DCC: variants seen among roughly 807,000 people sequenced by gnomAD.
DCC encodes the protein netrin receptor DCC.
In DCC, 58 loss-of-function variants were observed where a neutral mutation model predicts 172.5. The observed-to-expected ratio is 0.34, with a 90% confidence interval of 0.27 to 0.42. The LOEUF is 0.42. Ranked by LOEUF, DCC falls within the 10% of genes least tolerant of loss-of-function variation. The pLI is 1.00. For missense variants in DCC, 1,740 were observed against 1,791.0 expected, an observed-to-expected ratio of 0.97 and a Z score of 0.51; for synonymous variants, 709 against 644.5, an observed-to-expected ratio of 1.10 and a Z score of -1.52.
intron 1 of DCC, among the ~76,000 whole-genome samples, chr18:52,702,271 A>T (rs2036138682): frequency 6.6e-6 from 1 of 152,160 alleles, no homozygotes; most frequent in African/African-American, 2.4e-5. Flanking sequence ...CCTACTTGTT[A>T]TAGTTGTCCA....
At chr18:52,508,786 TA>T (rs2031326384) in intron 1 of DCC, among the ~76,000 whole-genome samples, 5 of 152,292 alleles carry the variant, frequency 3.3e-5, no homozygotes, top group African/African-American at 1.2e-4. Context: ...ACATAAGTTA[TA>T]AAAGAGATGT....
At chr18:52,929,452 C>G (rs2040269727) in intron 5 of DCC, among the ~76,000 whole-genome samples, 1 of 152,048 alleles carries the variant, frequency 6.6e-6, no homozygotes, top group South Asian at 2.1e-4. Flanking sequence ...TAGTCACTTA[C>G]ATAAAATAAA....
At chr18:52,647,809 T>C (rs2035047322) in intron 1 of DCC, among the ~76,000 whole-genome samples, 1 of 152,224 alleles carries the variant, frequency 6.6e-6, no homozygotes, top group Non-Finnish European at 1.5e-5. Flanking sequence ...ATCAAACTAC[T>C]GCTACGTTCA....
chr18:53,503,337 T>C (rs1382038831), intron 27 of DCC, among the ~76,000 whole-genome samples: 3 of 152,164 alleles, frequency 2.0e-5, no homozygotes, highest in African/African-American at 4.8e-5. Context: ...GTTAAAAATG[T>C]AACTTACAAG....
At chr18:53,346,186 ACT>A (rs1376170831) in intron 15 of DCC, among the ~76,000 whole-genome samples, 1 of 152,022 alleles carries the variant, frequency 6.6e-6, no homozygotes, top group Non-Finnish European at 1.5e-5. Context: ...AGTAATATAT[ACT>A]TTTTTATTTT....
At chr18:52,952,854 T>A (rs1265513549) in intron 5 of DCC, among the ~76,000 whole-genome samples, 1 of 151,648 alleles carries the variant, frequency 6.6e-6, no homozygotes, top group Non-Finnish European at 1.5e-5. Flanking sequence ...AAAAATTAGC[T>A]GAGCACAGTC....
At chr18:53,116,395 T>A (rs2043409526) in intron 7 of DCC, among the ~76,000 whole-genome samples, 1 of 151,754 alleles carries the variant, frequency 6.6e-6, no homozygotes, top group African/African-American at 2.4e-5. Context: ...AGTCATCTAG[T>A]TGGCCTGCGC....
At chr18:53,026,201 G>A (rs544305412) in intron 5 of DCC, among the ~76,000 whole-genome samples, 1 of 152,082 alleles carries the variant, frequency 6.6e-6, no homozygotes, top group Non-Finnish European at 1.5e-5. Flanking sequence ...TTATTTTAAT[G>A]TGTACTTATT....
intron 7 of DCC, among the ~76,000 whole-genome samples, chr18:53,092,331 A>C (rs1299080069): frequency 6.6e-6 from 1 of 152,196 alleles, no homozygotes; most frequent in Admixed American, 6.5e-5. Flanking sequence ...TGAACTATGT[A>C]AATATTGTAC....
chr18:52,431,429 A>G (rs1987619749), intron 1 of DCC, among the ~76,000 whole-genome samples: 1 of 152,158 alleles, frequency 6.6e-6, no homozygotes, highest in Non-Finnish European at 1.5e-5. Flanking sequence ...TTTCAATACA[A>G]CATATATTTG....
At chr18:53,456,678 A>C (rs2045486937) in intron 23 of DCC, among the ~76,000 whole-genome samples, 2 of 152,204 alleles carry the variant, frequency 1.3e-5, no homozygotes, top group Non-Finnish European at 2.9e-5. Context: ...ATTTCTAACA[A>C]GTTCCCAGGC....
chr18:52,384,624 A>G (rs1318564042), intron 1 of DCC, among the ~76,000 whole-genome samples: 1 of 152,122 alleles, frequency 6.6e-6, no homozygotes, highest in Non-Finnish European at 1.5e-5. Flanking sequence ...AGGAGAGTTG[A>G]CTGTTCAAAA....
At chr18:53,150,935 A>G (rs903739442) in intron 7 of DCC, among the ~76,000 whole-genome samples, 2 of 152,164 alleles carry the variant, frequency 1.3e-5, no homozygotes, top group Non-Finnish European at 2.9e-5. Context: ...GCTGAAGACA[A>G]CTGAGAAAGT....
intron 11 of DCC, among the ~76,000 whole-genome samples, chr18:53,210,195 C>G (rs2055726209): frequency 6.6e-6 from 1 of 152,184 alleles, no homozygotes; most frequent in Non-Finnish European, 1.5e-5. Context: ...TTTCTGTCTA[C>G]TTCAATCTCA....
intron 1 of DCC, among the ~76,000 whole-genome samples, chr18:52,438,866 T>G (rs1987880422): frequency 6.6e-6 from 1 of 152,186 alleles, no homozygotes; most frequent in African/African-American, 2.4e-5. Context: ...GGTAAATTAC[T>G]TATAGTCGTG....
At chr18:53,511,613 C>G (rs950779898) in intron 27 of DCC, among the ~76,000 whole-genome samples, 1 of 152,086 alleles carries the variant, frequency 6.6e-6, no homozygotes, top group Non-Finnish European at 1.5e-5. Context: ...ACACCGTGCG[C>G]GAGCCAAAGC....
intron 1 of DCC, among the ~76,000 whole-genome samples, chr18:52,667,511 G>A (rs1018619464): frequency 6.6e-6 from 1 of 152,202 alleles, no homozygotes; most frequent in African/African-American, 2.4e-5. Context: ...TTGTCTTCAA[G>A]GAGCAACAGG....
At position 53,073,248 on chromosome 18, in the gene DCC, C is replaced by A. The variant is rs538305778; in HGVS notation, c.1261+7082C>A. ...AAATAAAAAAAAATAAAAATAGGCC[C>A]GGCGCGGTGGCTCAGGCCTGTAATC... is the stretch of plus-strand genomic sequence containing the variant. On this transcript the variant is annotated intron_variant, in intron 7 of 28. Coordinates refer to ENST00000442544, the MANE Select transcript of DCC (RefSeq NM_005215.4). Among the ~76,000 whole-genome samples, 4 of 152,158 alleles carry A rather than the reference C, an allele frequency of 2.6e-5. No individual in the cohort carries two copies. The East Asian group carries it at 7.7e-4, about 29-fold the overall frequency.
At chr18:52,718,710 AC>A (rs1186781269) in intron 1 of DCC, among the ~76,000 whole-genome samples, 1 of 152,158 alleles carries the variant, frequency 6.6e-6, no homozygotes, top group Non-Finnish European at 1.5e-5. Context: ...AAAATTATCT[AC>A]AATGTCCCAT....
Sources: gnomAD v4.1 joint callset for allele counts (sites outside exome capture counted in the v4.1 genomes callset) on GRCh38, gnomAD v4.1.1 for gene constraint, MANE v1.5 for transcripts, NCBI Gene and HGNC (gene_info 2026-07-23, HGNC 2026-07-21) for gene names.